MIOS: variants seen among roughly 807,000 people sequenced by gnomAD.
MIOS encodes the protein GATOR2 complex protein MIOS.
Under a neutral mutation model 96.9 loss-of-function variants are expected in MIOS, and 52 were observed. The observed-to-expected ratio is 0.54, with a 90% confidence interval of 0.43 to 0.68. The LOEUF (loss-of-function observed/expected upper bound fraction) is 0.68, where lower values mean the gene tolerates loss of function less well. Among genes scored for constraint, MIOS ranks in the 30% least tolerant of loss-of-function variants. MIOS has a pLI of 0.00. For synonymous variants in MIOS, 397 were observed against 359.5 expected (o/e 1.10, Z -1.18); for missense variants, 1,005 against 1,052.8 (o/e 0.95, Z 0.63).
intron 5 of MIOS, 63 bp downstream of exon 5, chr7:7,574,259 C>A: frequency 8.0e-7 from 1 of 1,255,918 alleles, no homozygotes; most frequent in East Asian, 2.6e-5. Context: ...TATTTTGCCC[C>A]CTGTCATTTG....
At chr7:7,589,643 C>CTTTTG in intron 9 of MIOS, 80 bp downstream of exon 9, 4 of 1,447,722 alleles carry the variant, frequency 2.8e-6, no homozygotes, top group Non-Finnish European at 3.7e-6. Context: ...TAAATATGCA[C>CTTTTG]TTTTGCTTGC....
Position 7,572,370 on chromosome 7 carries a change from G to C in MIOS, c.-40-66G>C. The C allele has an allele frequency of 1.3e-6, 1 of 794,680 alleles. No homozygotes were observed. The highest frequency in any genetic ancestry group is 1.9e-6 in the Non-Finnish European group (1 of 523,556). 49.2% of individuals were successfully genotyped at this position (794,680 alleles called of 1,614,324 possible). A position where few individuals can be genotyped will look rare whatever the true frequency, so the allele number is the denominator to read the frequency against. On this transcript the variant is annotated intron_variant, in intron 3 of 12. Transcript: ENST00000340080. The surrounding 1 kb of genome is among the most constrained non-coding windows in gnomAD (Gnocchi z 4.8). ...AGAGAATTTTCTGACTTTCTGAATA[G>C]TTTATTCAACGTAAGAATTATATTT...
At chr7:7,570,467 G>A (rs1018944160) in intron 3 of MIOS, among the ~76,000 whole-genome samples, 1 of 152,012 alleles carries the variant, frequency 6.6e-6, no homozygotes, top group African/African-American at 2.4e-5. Context: ...TTTTCTCACG[G>A]ATGAGGGGTG....
intron 11 of MIOS, among the ~76,000 whole-genome samples, chr7:7,602,821 A>C (rs1320782918): frequency 6.6e-6 from 1 of 152,136 alleles, no homozygotes; most frequent in Non-Finnish European, 1.5e-5. Context: ...TTCAAACTAT[A>C]CTACAAGGCT....
chr7:7,573,245 A>T lies in MIOS; in HGVS notation c.770A>T (p.Glu257Val). The change falls in exon 4 of 13, where the codon GAG (glutamate) becomes GTG (valine). Residue 257 changes from glutamate (E) to valine (V), a missense_variant. Physicochemically the swap from Glu to Val is moderately radical, Grantham distance 121. This residue lies in a region of MIOS where 865 missense variants were observed against 887.9 expected (regional missense o/e 0.97). Coordinates refer to ENST00000340080, the MANE Select transcript of MIOS (RefSeq NM_019005.4). The surrounding 1 kb of genome is among the most constrained non-coding windows in gnomAD (Gnocchi z 5.0). ...QVAIWDLRKF[E>V]KPVLTLTEQP... ...GCAATATGGGATCTTAGAAAATTTG[A>T]GAAGCCAGTTTTGACATTGACTGAG... 6.2e-7 allele frequency: 1 copy of T among 1,614,130 alleles called. No homozygotes were observed.
intron 7 of MIOS, 95 bp from the exon 8 acceptor site, chr7:7,588,399 TAAAC>T (rs1372779206): frequency 6.9e-6 from 4 of 579,618 alleles, no homozygotes; most frequent in Non-Finnish European, 1.1e-5. Flanking sequence ...AATTTGGAAA[TAAAC>T]ATATTCATTT....
chr7:7,585,824 T>G lies in MIOS; in HGVS notation c.1818+19T>G, dbSNP rs1783870717. 1 of 1,581,692 alleles carries G rather than the reference T, an allele frequency of 6.3e-7. No homozygotes were observed. Among genetic ancestry groups the G allele is most frequent in the East Asian group, 2.3e-5 (1 of 43,682 alleles). ...AGTTTTGGTAAGCTAACTTGTTTTTTAAGATCTTCCTTTGAATTAAGATAG... is the reference window on the plus strand; with the variant it reads ...AGTTTTGGTAAGCTAACTTGTTTTTGAAGATCTTCCTTTGAATTAAGATAG... On this transcript the variant is annotated intron_variant, in intron 7 of 12. Coordinates refer to ENST00000340080, the MANE Select transcript of MIOS (RefSeq NM_019005.4).
At chr7:7,574,693 A>G (rs1394264268) in intron 5 of MIOS, among the ~76,000 whole-genome samples, 15 of 152,142 alleles carry the variant, frequency 9.9e-5, no homozygotes, top group Non-Finnish European at 1.2e-4. Flanking sequence ...TCCTTGGTTA[A>G]TTAGTGAATG....
rs557533108 is a variant in MIOS, at chr7:7,592,308, G to A, written c.2044-2672G>A. 3.9e-5 allele frequency among the ~76,000 whole-genome samples: 6 copies of A among 152,272 alleles called. No homozygotes were observed. In the South Asian group the frequency reaches 8.3e-4, roughly 21 times the overall value. ...CTGGCCCAGATTTGTTGATTCTGTT[G>A]ACTTATTCCATCACCTCTGTCTGCT... is the stretch of plus-strand genomic sequence containing the variant. On this transcript the variant is annotated intron_variant, in intron 9 of 12. Transcript: ENST00000340080.
chr7:7,601,972 CA>C (rs1784392689), intron 11 of MIOS, among the ~76,000 whole-genome samples: 1 of 152,120 alleles, frequency 6.6e-6, no homozygotes, highest in Non-Finnish European at 1.5e-5. Context: ...AGACAAAAAC[CA>C]CATGATTATC....
intron 5 of MIOS, chr7:7,582,534 T>C (rs991990077): frequency 1.9e-6 from 1 of 515,964 alleles, no homozygotes; most frequent in Middle Eastern, 1.0e-3. Context: ...AGGGGAAAAA[T>C]AGCCCTCAAG....
At chr7:7,580,402 G>T (rs190718818) in intron 5 of MIOS, among the ~76,000 whole-genome samples, 2 of 152,160 alleles carry the variant, frequency 1.3e-5, no homozygotes, top group Admixed American at 1.3e-4. Flanking sequence ...AAAACTTTTT[G>T]GAAGTTTCCT....
At position 7,589,454 on chromosome 7, in the gene MIOS, A is replaced by G; in HGVS notation, c.1934A>G (p.Asn645Ser). Reference sequence around the variant, plus strand: ...ACCAATGAAATGAAAGAGGCTGGAAATTTGGAAGGAATTTTGCTTACAGGC... The same window carrying G: ...ACCAATGAAATGAAAGAGGCTGGAAGTTTGGAAGGAATTTTGCTTACAGGC... ...KLTNEMKEAG[N>S]LEGILLTGLT... Residue 645 changes from asparagine (N) to serine (S), a missense_variant, in exon 9 of 13, where the codon AAT (asparagine) becomes AGT (serine). Physicochemically the swap from Asn to Ser is conservative, Grantham distance 46. Around this residue, in one of 3 missense-constraint regions of MIOS, gnomAD observed 865 missense variants for 887.9 expected, o/e 0.97. Transcript: ENST00000340080. The G allele has an allele frequency of 6.2e-7, 1 of 1,613,714 alleles. No individual in the cohort carries two copies. Among genetic ancestry groups the G allele is most frequent in the Non-Finnish European group, 8.5e-7 (1 of 1,179,750 alleles).
chr7:7,577,213 C>T (rs147870628), intron 5 of MIOS, among the ~76,000 whole-genome samples: 89 of 152,220 alleles, frequency 5.8e-4, no homozygotes, highest in Non-Finnish European at 1.1e-3. Context: ...ACTTTTGTAC[C>T]AACCTAGTAT....
chr7:7,581,697 C>G (rs1183669120), intron 5 of MIOS: 2 of 152,220 alleles, frequency 1.3e-5, no homozygotes, highest in Admixed American at 1.3e-4. Context: ...TCCTTAGAGG[C>G]TATTCACAGT....
rs1784585576 is a variant in MIOS at position 7,608,361 on chromosome 7, A to G, written c.*1269A>G. The G allele has an allele frequency of 6.6e-6, 1 of 152,056 alleles. No homozygotes were observed. Among genetic ancestry groups the G allele is most frequent in the Non-Finnish European group, 1.5e-5 (1 of 67,956 alleles). The allele number at this position is 152,056 out of a possible 1,614,324, so 9.4% of individuals were successfully genotyped here. A position where few individuals can be genotyped will look rare whatever the true frequency, so the allele number is the denominator to read the frequency against. On this transcript the variant is annotated 3_prime_UTR_variant, in exon 13 of 13. Transcript: ENST00000340080. ...GAATTTTAAGAGCTTTCGTATTAGC[A>G]GTTTTGCCTTATAAAAACTAAGATT...
Position 7,573,707 on chromosome 7 carries a change from G to A in MIOS, c.1232G>A (p.Arg411Lys). 1 of 1,612,858 alleles carries A rather than the reference G, an allele frequency of 6.2e-7. No individual in the cohort carries two copies. Among genetic ancestry groups the A allele is most frequent in the Non-Finnish European group, 8.5e-7 (1 of 1,179,340 alleles). The change falls in exon 4 of 13, where the codon AGG (arginine) becomes AAG (lysine). Residue 411 changes from arginine to lysine, a missense_variant. Coordinates refer to ENST00000340080, the MANE Select transcript of MIOS (RefSeq NM_019005.4). This position sits in a 1 kb window ranked among gnomAD's most constrained non-coding sequence, Gnocchi z 5.0. ...GGACTTGATACAGAGCAGGTGTGGA[G>A]GAACCACATTTTAGCTGGAAATGAA... The part of the protein sequence containing the change: ...RYGLDTEQVW[R>K]NHILAGNEDP...
intron 11 of MIOS, among the ~76,000 whole-genome samples, chr7:7,601,477 A>T (rs1225316668): frequency 6.6e-6 from 1 of 152,234 alleles, no homozygotes; most frequent in African/African-American, 2.4e-5. Flanking sequence ...TCTAGAAGAA[A>T]TGGATAAATT....
Position 7,572,750 on chromosome 7 carries a change from T to A in MIOS, c.275T>A (p.Leu92His). ...QANGRVVLTSLGQDHNSKFKD... is the reference protein window; with the variant it reads ...QANGRVVLTSHGQDHNSKFKD... ...AATGGTCGAGTTGTACTTACAAGCC[T>A]TGGTCAAGATCATAACTCAAAGTTC... Residue 92 changes from leucine (L) to histidine (H), a missense_variant, in exon 4 of 13, where the codon CTT becomes CAT. By Grantham distance (99) the Leu-to-His change is moderately conservative. Around this residue, in one of 3 missense-constraint regions of MIOS, gnomAD observed 137 missense variants for 148.6 expected, o/e 0.92. Transcript: ENST00000340080. This position sits in a 1 kb window ranked among gnomAD's most constrained non-coding sequence, Gnocchi z 4.8. The A allele has an allele frequency of 1.2e-6, 2 of 1,614,168 alleles. No homozygotes were observed. Among genetic ancestry groups the A allele is most frequent in the Non-Finnish European group, 1.7e-6 (2 of 1,180,004 alleles).
Sources: allele counts gnomAD v4.1 joint callset (sites outside exome capture counted in the v4.1 genomes callset), GRCh38; gene constraint gnomAD v4.1.1; regional missense constraint gnomAD v4.1.1; non-coding constraint Gnocchi (gnomAD v3.1); transcripts MANE v1.5; gene names NCBI Gene and HGNC (gene_info 2026-07-23, HGNC 2026-07-21).